CAPN8: variants seen among roughly 807,000 people sequenced by gnomAD.
The protein encoded by CAPN8 is calpain 8.
A neutral mutation model predicts 80.9 loss-of-function variants in CAPN8; 87 were observed. That is an observed-to-expected ratio of 1.07 (90% CI 0.90 to 1.28). The LOEUF (loss-of-function observed/expected upper bound fraction) is 1.28. Among genes scored for constraint, CAPN8 ranks in the 50% most tolerant of loss-of-function variants. CAPN8 has a pLI of 0.00. For synonymous variants in CAPN8, 299 were observed against 273.8 expected, an observed-to-expected ratio of 1.09 and a Z score of -0.91; for missense variants, 757 against 702.0, an observed-to-expected ratio of 1.08 and a Z score of -0.89.
chr1:223,615,828 G>T, intron 10 of CAPN8, 142 bp downstream of exon 10: 1 of 988,598 alleles, frequency 1.0e-6, no homozygotes. Context: ...TAAGGCCACT[G>T]GGAGAGGTAT....
At chr1:223,627,292 GC>G in intron 4 of CAPN8, 135 bp from the exon 5 acceptor site, 2 of 985,220 alleles carry the variant, frequency 2.0e-6, no homozygotes, top group African/African-American at 1.6e-5. Flanking sequence ...TTGCCTATGG[GC>G]CAGGAAGGTG....
chr1:223,657,504 C>T (rs758498571), intron 1 of CAPN8, among the ~76,000 whole-genome samples: 1 of 152,188 alleles, frequency 6.6e-6, no homozygotes, highest in African/African-American at 2.4e-5. Context: ...TGGTGACTCA[C>T]ACCTGTAATC....
rs571307260 is a variant in CAPN8 at position 223,619,244 on chromosome 1, A to G, written c.1135+49T>C. The G allele has an allele frequency of 3.2e-6, 5 of 1,545,048 alleles. 1 individual carries two copies. Among genetic ancestry groups the G allele is most frequent in the African/African-American group, 2.7e-5 (2 of 72,756 alleles). ...AAAATTACATAAAATGACCCAGCTC[A>G]GGGAGGATAAGCTGGAGGAGGTTGG... On this transcript the variant is annotated intron_variant, in intron 9 of 20. Coordinates refer to ENST00000366872, the MANE Select transcript of CAPN8 (RefSeq NM_001143962.2).
intron 13 of CAPN8, among the ~76,000 whole-genome samples, chr1:223,555,983 T>G (rs1656897393): frequency 6.6e-6 from 1 of 152,228 alleles, no homozygotes; most frequent in East Asian, 1.9e-4. Flanking sequence ...TGATACAATC[T>G]ATATGAAAAT....
intron 2 of CAPN8, among the ~76,000 whole-genome samples, chr1:223,631,970 G>T (rs1243643955): frequency 6.6e-6 from 1 of 152,102 alleles, no homozygotes; most frequent in South Asian, 2.1e-4. Flanking sequence ...AGCTTCTTCC[G>T]ACAGCCCACC....
At chr1:223,634,775 C>T (rs546200496) in intron 2 of CAPN8, among the ~76,000 whole-genome samples, 141 of 152,272 alleles carry the variant, frequency 9.3e-4, no homozygotes, top group Non-Finnish European at 1.6e-3. Context: ...GTTCTCATGA[C>T]CTAATCACCT....
intron 2 of CAPN8, among the ~76,000 whole-genome samples, chr1:223,639,281 A>T (rs1338485043): frequency 1.3e-5 from 2 of 152,206 alleles, no homozygotes; most frequent in African/African-American, 4.8e-5. Context: ...GATTAACAAG[A>T]TGGCTTTTGG....
intron 2 of CAPN8, among the ~76,000 whole-genome samples, chr1:223,646,870 G>T (rs530307710): frequency 6.6e-6 from 1 of 152,118 alleles, no homozygotes; most frequent in Non-Finnish European, 1.5e-5. Context: ...AATAATTATC[G>T]CCTAGAACGC....
chr1:223,618,513 A>C lies in CAPN8; in HGVS notation c.1135+780T>G, dbSNP rs1018744546. The stretch of plus-strand genomic sequence containing the variant: ...CACAGTGAAACAGCAGCTCTATTGG[A>C]TGCAGCCTATTGAAACAGCAGATGT... On this transcript the variant is annotated intron_variant, in intron 9 of 20. Coordinates refer to ENST00000366872, the MANE Select transcript of CAPN8 (RefSeq NM_001143962.2). 2.0e-4 allele frequency among the ~76,000 whole-genome samples: 31 copies of C among 152,236 alleles called. 1 individual carries two copies. The highest frequency in any genetic ancestry group is 5.8e-4 in the African/African-American group (24 of 41,464).
chr1:223,659,058 T>G (rs1158989446), intron 1 of CAPN8, among the ~76,000 whole-genome samples: 1 of 152,182 alleles, frequency 6.6e-6, no homozygotes, highest in Admixed American at 6.5e-5. Flanking sequence ...AGTAACACTG[T>G]TTTCTATTAC....
At chr1:223,617,279 T>TGGG (rs533821278) in intron 9 of CAPN8, 3 of 119,318 alleles carry the variant, frequency 2.5e-5, no homozygotes, top group Non-Finnish European at 1.9e-5. Flanking sequence ...CACTTTTTTT[T>TGGG]TGGGGGGGGG....
intron 13 of CAPN8, among the ~76,000 whole-genome samples, 177 bp from the exon 14 acceptor site, chr1:223,554,077 C>T (rs1176525753): frequency 4.6e-5 from 7 of 152,308 alleles, no homozygotes; most frequent in African/African-American, 1.7e-4. Context: ...GTCCTGGCCC[C>T]AGGGAGCTTA....
chr1:223,548,999 G>A (rs1363809723), intron 16 of CAPN8, among the ~76,000 whole-genome samples: 1 of 152,030 alleles, frequency 6.6e-6, no homozygotes, highest in Non-Finnish European at 1.5e-5. Context: ...GATGAACAGA[G>A]TGTGGAGGGA....
At chr1:223,639,050 G>A (rs1022732471) in intron 2 of CAPN8, among the ~76,000 whole-genome samples, 29 of 152,166 alleles carry the variant, frequency 1.9e-4, no homozygotes, top group Admixed American at 7.9e-4. Context: ...GACCAGCCTG[G>A]CCAACATGGT....
At chr1:223,658,766 A>G (rs563899971) in intron 1 of CAPN8, among the ~76,000 whole-genome samples, 2 of 152,328 alleles carry the variant, frequency 1.3e-5, no homozygotes, top group African/African-American at 4.8e-5. Context: ...AGATCGCGCC[A>G]CCGCACTCCA....
At position 223,622,820 on chromosome 1, in the gene CAPN8, G is replaced by A. The variant is rs369802196; in HGVS notation, c.894C>T (p.Ser298=). The part of the protein sequence containing the change: ...WGEVEWSGAW[S]DDAPEWNHID... ...AGCGGGGGAAAAAAACCTACTCATC[G>A]CTCCAGGCTCCCGACCACTCCACTT... Residue 298 remains serine (S), a synonymous_variant, in exon 7 of 21, where the codon AGC becomes AGT. Transcript: ENST00000366872. 2.4e-5 allele frequency: 37 copies of A among 1,551,318 alleles called. 1 individual carries two copies. The highest frequency in any genetic ancestry group is 1.7e-4 in the South Asian group (14 of 84,044).
chr1:223,555,453 T>C (rs908938997), intron 13 of CAPN8, among the ~76,000 whole-genome samples: 5 of 152,148 alleles, frequency 3.3e-5, no homozygotes, highest in Admixed American at 6.5e-5. Flanking sequence ...ATAGAAGATA[T>C]GCTAATCTAA....
intron 9 of CAPN8, among the ~76,000 whole-genome samples, chr1:223,616,348 C>T (rs1370099132): frequency 6.6e-6 from 1 of 152,216 alleles, no homozygotes; most frequent in Non-Finnish European, 1.5e-5. Context: ...CACACACAGA[C>T]ATATGGCATC....
chr1:223,629,968 G>A (rs1033312034), intron 2 of CAPN8, among the ~76,000 whole-genome samples: 2 of 152,172 alleles, frequency 1.3e-5, no homozygotes, highest in African/African-American at 4.8e-5. Context: ...ACCTTTTAGA[G>A]ACCATCTGTG....
Sources: allele counts gnomAD v4.1 joint callset (sites outside exome capture counted in the v4.1 genomes callset), GRCh38; gene constraint gnomAD v4.1.1; transcripts MANE v1.5; gene names NCBI Gene and HGNC (gene_info 2026-07-23, HGNC 2026-07-21).